Variants in SCYL2 observed in about 807,000 individuals in gnomAD.
SCYL2 encodes the protein SCY1-like protein 2.
A neutral mutation model predicts 100.4 loss-of-function variants in SCYL2; 36 were observed. The observed-to-expected ratio is 0.36, with a 90% CI of 0.27 to 0.47. The LOEUF is 0.47. Among genes scored for constraint, SCYL2 ranks in the 20% least tolerant of loss-of-function variants. SCYL2 has a pLI of 1.00. For missense variants in SCYL2, 902 were observed against 1,083.9 expected, an observed-to-expected ratio of 0.83 and a Z score of 2.36; for synonymous variants, 330 against 359.2, an observed-to-expected ratio of 0.92 and a Z score of 0.92.
intron 3 of SCYL2, among the ~76,000 whole-genome samples, chr12:100,295,370 G>C (rs953515021): frequency 1.3e-5 from 2 of 152,192 alleles, no homozygotes; most frequent in African/African-American, 4.8e-5. Flanking sequence ...AGGTTGTAGC[G>C]AGCCGAGATC....
At chr12:100,283,842 G>C (rs1016441891) in intron 2 of SCYL2, among the ~76,000 whole-genome samples, 2 of 152,150 alleles carry the variant, frequency 1.3e-5, no homozygotes, top group African/African-American at 4.8e-5. Context: ...TAAATTGCTG[G>C]TATGTCATTT....
At chr12:100,300,783 C>T (rs1860005783) in intron 4 of SCYL2, among the ~76,000 whole-genome samples, 1 of 152,162 alleles carries the variant, frequency 6.6e-6, no homozygotes, top group African/African-American at 2.4e-5. Flanking sequence ...TTTTGCTTAA[C>T]ATAATGACAC....
chr12:100,294,659 C>T (rs1213592785), intron 3 of SCYL2, among the ~76,000 whole-genome samples: 3 of 122,380 alleles, frequency 2.5e-5, no homozygotes, highest in Admixed American at 7.8e-5. Context: ...GCAGAGGCAC[C>T]CCTCACCTCC....
chr12:100,268,342 G>A (rs1288616038), intron 1 of SCYL2, among the ~76,000 whole-genome samples: 1 of 152,142 alleles, frequency 6.6e-6, no homozygotes, highest in Non-Finnish European at 1.5e-5. Flanking sequence ...ACCCCATTAT[G>A]TTCTGGTGAT....
At chr12:100,296,082 T>G (rs1206730786) in intron 3 of SCYL2, among the ~76,000 whole-genome samples, 1 of 152,254 alleles carries the variant, frequency 6.6e-6, no homozygotes, top group Non-Finnish European at 1.5e-5. Context: ...TATACTTTTC[T>G]GTGTCCCTGC....
intron 2 of SCYL2, among the ~76,000 whole-genome samples, chr12:100,287,511 A>G (rs1421301748): frequency 1.3e-5 from 2 of 152,202 alleles, no homozygotes; most frequent in Non-Finnish European, 2.9e-5. Flanking sequence ...TGGGACATAC[A>G]CTGTATTGTG....
intron 4 of SCYL2, 24 bp from the exon 5 acceptor site, chr12:100,311,020 A>G (rs1242550574): frequency 2.0e-6 from 3 of 1,521,888 alleles, no homozygotes; most frequent in Non-Finnish European, 1.8e-6. Flanking sequence ...TATTTAGTGT[A>G]AAATGTGTTT....
chr12:100,327,024 G>A (rs1386246306), intron 12 of SCYL2, among the ~76,000 whole-genome samples: 1 of 152,124 alleles, frequency 6.6e-6, no homozygotes, highest in African/African-American at 2.4e-5. Flanking sequence ...AAGTGAGAGA[G>A]GCAAACAAAG....
intron 4 of SCYL2, among the ~76,000 whole-genome samples, chr12:100,305,716 GT>G (rs144928837): frequency 0.026 from 3,284 of 126,794 alleles, 81 homozygotes; most frequent in African/African-American, 0.067. Context: ...CTAGGAGCTG[GT>G]TTTTTTTTTT....
At chr12:100,291,001 C>G (rs970601594) in intron 2 of SCYL2, among the ~76,000 whole-genome samples, 3 of 151,976 alleles carry the variant, frequency 2.0e-5, no homozygotes, top group Non-Finnish European at 4.4e-5. Flanking sequence ...CATTTACTGC[C>G]CCTAACAAGA....
intron 10 of SCYL2, among the ~76,000 whole-genome samples, chr12:100,321,388 C>T (rs200309343): frequency 1.3e-5 from 2 of 152,186 alleles, no homozygotes; most frequent in East Asian, 3.9e-4. Flanking sequence ...CAAGGATCAT[C>T]TCTCATAAAC....
At chr12:100,294,609 C>T (rs905818976) in intron 3 of SCYL2, among the ~76,000 whole-genome samples, 2 of 140,594 alleles carry the variant, frequency 1.4e-5, no homozygotes, top group African/African-American at 2.7e-5. Context: ...GGTGGCTGGC[C>T]GGGCAGAGGG....
intron 2 of SCYL2, among the ~76,000 whole-genome samples, chr12:100,286,831 A>G (rs1186238252): frequency 2.0e-5 from 3 of 151,946 alleles, no homozygotes; most frequent in African/African-American, 7.2e-5. Flanking sequence ...AAATAAAGGA[A>G]ACTTTTATGT....
chr12:100,298,572 G>A (rs144563802), intron 4 of SCYL2, among the ~76,000 whole-genome samples: 3,554 of 151,792 alleles, frequency 0.023, 51 homozygotes, highest in Middle Eastern at 0.054. Context: ...TTTTTGAGAC[G>A]GAGTTTCACT....
At chr12:100,303,058 G>A (rs1241056609) in intron 4 of SCYL2, among the ~76,000 whole-genome samples, 1 of 151,830 alleles carries the variant, frequency 6.6e-6, no homozygotes, top group Non-Finnish European at 1.5e-5. Flanking sequence ...ATTAATAATT[G>A]TGTATGCTTC....
intron 12 of SCYL2, chr12:100,327,220 A>C (rs1952141753): frequency 5.2e-6 from 2 of 386,716 alleles, no homozygotes; most frequent in Non-Finnish European, 1.0e-5. Context: ...TAAGTGATTC[A>C]AGATCATATA....
chr12:100,309,498 T>G (rs1032544404), intron 4 of SCYL2, among the ~76,000 whole-genome samples: 1 of 152,250 alleles, frequency 6.6e-6, no homozygotes, highest in African/African-American at 2.4e-5. Flanking sequence ...TATTTTGTGA[T>G]TGGCCTATGT....
rs1485743051 is a variant in SCYL2, at chr12:100,324,365, A to G, written c.1509+727A>G. On this transcript the variant is annotated intron_variant, in intron 11 of 17. Transcript: ENST00000360820. ...CAAAATAGCAGCTTTAAAGAGGGAG[A>G]AATGTTCTCTTTTGCCTGACCAGTT... Among the ~76,000 whole-genome samples the G allele has an allele frequency of 5.9e-5, 9 of 152,262 alleles. No individual in the cohort carries two copies. The South Asian group carries it at 1.7e-3, about 28-fold the overall frequency.
At chr12:100,292,582 A>G (rs940877922) in intron 3 of SCYL2, among the ~76,000 whole-genome samples, 2 of 152,206 alleles carry the variant, frequency 1.3e-5, no homozygotes, top group East Asian at 3.8e-4. Flanking sequence ...TCAAAGGCAC[A>G]AGATCTTTTT....
Sources: allele counts gnomAD v4.1 joint callset (sites outside exome capture counted in the v4.1 genomes callset), GRCh38; gene constraint gnomAD v4.1.1; transcripts MANE v1.5; gene names NCBI Gene and HGNC (gene_info 2026-07-23, HGNC 2026-07-21).